OR13G1: variants seen among roughly 807,000 people sequenced by gnomAD.
OR13G1 encodes olfactory receptor family 13 subfamily G member 1, also known as olfactory receptor 13G1.
For synonymous variants in OR13G1, 128 were observed against 136.2 expected, an observed-to-expected ratio of 0.94 and a Z score of 0.42; for missense variants, 369 against 385.7, an observed-to-expected ratio of 0.96 and a Z score of 0.36.
chr1:247,677,994 T>G (rs1659383458), intron 1 of OR13G1, among the ~76,000 whole-genome samples: 1 of 152,050 alleles, frequency 6.6e-6, no homozygotes, highest in African/African-American at 2.4e-5. Flanking sequence ...ATCCAGCTAC[T>G]CAAGAGGCTG....
At chr1:247,678,196 A>G (rs1659390533) in intron 1 of OR13G1, among the ~76,000 whole-genome samples, 1 of 152,232 alleles carries the variant, frequency 6.6e-6, no homozygotes, top group African/African-American at 2.4e-5. Flanking sequence ...TCACACAGTC[A>G]GACACTGGCG....
chr1:247,672,031 T>G lies in OR13G1; in HGVS notation c.*87A>C. The G allele has an allele frequency of 9.3e-7, 1 of 1,072,032 alleles. No homozygotes were observed. Among genetic ancestry groups the G allele is most frequent in the Non-Finnish European group, 1.3e-6 (1 of 744,786 alleles). The allele number at this position is 1,072,032 out of a possible 1,614,324, so 66.4% of individuals were successfully genotyped here. ...AATAAGAGGGAAGGGAAAATTGGAG[T>G]GGAGGTAAGTATGAAAAACCAGTAA... On this transcript the variant is annotated 3_prime_UTR_variant, in exon 2 of 2. Transcript: ENST00000642119.
intron 1 of OR13G1, 115 bp downstream of exon 1, chr1:247,679,525 T>TGTGTGTGC (rs764457162): frequency 9.0e-5 from 12 of 133,510 alleles, no homozygotes; most frequent in African/African-American, 2.2e-4. Context: ...TGTGTGTGTG[T>TGTGTGTGC]GCGCGCTATG....
rs1314119892 is a variant in OR13G1, at chr1:247,671,929, C to T, written c.*189G>A. On this transcript the variant is annotated 3_prime_UTR_variant, in exon 2 of 2. Coordinates refer to ENST00000642119, the MANE Select transcript of OR13G1 (RefSeq NM_001005487.2). ...CATATATTTATGTGAGGGTATTGTG[C>T]ATATTGCTTTATGAATATTCTTCAC... 3.5e-6 allele frequency: 2 copies of T among 572,846 alleles called. No individual in the cohort carries two copies. The highest frequency in any genetic ancestry group is 6.5e-5 in the Admixed American group (2 of 30,582). 35.5% of individuals were successfully genotyped at this position (572,846 alleles called of 1,614,324 possible).
chr1:247,673,816 C>T (rs1151639), intron 1 of OR13G1, among the ~76,000 whole-genome samples: 110,008 of 151,954 alleles, frequency 0.72, 41,031 homozygotes, highest in East Asian at 0.98. Context: ...TAGCTATAGA[C>T]TGGCCATTTA....
chr1:247,672,692 T>C lies in OR13G1; in HGVS notation c.350A>G (p.Tyr117Cys), dbSNP rs749573654. Reference protein sequence around the residue: ...AEMVLFTTMAYDRYVAICFPL... With the variant: ...AEMVLFTTMACDRYVAICFPL... ...GAAACAAATGGCCACATAGCGGTCA[T>C]AGGCCATGGTGGTGAAGAGAACCAT... is the stretch of plus-strand genomic sequence containing the variant. Residue 117 changes from tyrosine (Y) to cysteine (C), a missense_variant, in exon 2 of 2, where the codon TAT becomes TGT. Tyr to Cys is a radical substitution (Grantham distance 194). Coordinates refer to ENST00000642119, the MANE Select transcript of OR13G1 (RefSeq NM_001005487.2). 4 of 1,613,888 alleles carry C rather than the reference T, an allele frequency of 2.5e-6. No homozygotes were observed. Among genetic ancestry groups the C allele is most frequent in the Non-Finnish European group, 3.4e-6 (4 of 1,179,948 alleles).
Position 247,671,891 on chromosome 1 carries a change from A to C in OR13G1, c.*227T>G. The stretch of plus-strand genomic sequence containing the variant: ...GTACATATTTTTGGAAAATGTTGGA[A>C]TATATATTATGACATATATTTATGT... On this transcript the variant is annotated 3_prime_UTR_variant, in exon 2 of 2. Coordinates refer to ENST00000642119, the MANE Select transcript of OR13G1 (RefSeq NM_001005487.2). 2.0e-6 allele frequency: 1 copy of C among 498,734 alleles called. No homozygotes were observed. The highest frequency in any genetic ancestry group is 3.5e-6 in the Non-Finnish European group (1 of 284,982). The allele number at this position is 498,734 out of a possible 1,614,324, so 30.9% of individuals were successfully genotyped here.
intron 1 of OR13G1, among the ~76,000 whole-genome samples, chr1:247,679,232 G>C (rs1474778225): frequency 6.6e-6 from 1 of 152,056 alleles, no homozygotes; most frequent in Non-Finnish European, 1.5e-5. Flanking sequence ...ATTTAGCTAA[G>C]TCTTTATGAT....
intron 1 of OR13G1, among the ~76,000 whole-genome samples, chr1:247,673,570 A>G (rs1416063354): frequency 6.6e-6 from 1 of 152,174 alleles, no homozygotes; most frequent in Non-Finnish European, 1.5e-5. Flanking sequence ...AGGATATTTC[A>G]GATGAAAAAT....
Position 247,670,975 on chromosome 1 carries a change from C to T in OR13G1, c.*1143G>A, listed in dbSNP as rs1380727118. ...ATTGTATATTTTTATTATGTAGCCT[C>T]AGTTTTGGCATTCTCACTCTCTCAA... On this transcript the variant is annotated 3_prime_UTR_variant, in exon 2 of 2. Coordinates refer to ENST00000642119, the MANE Select transcript of OR13G1 (RefSeq NM_001005487.2). 1 of 152,046 alleles carries T rather than the reference C, an allele frequency of 6.6e-6. No homozygotes were observed. The highest frequency in any genetic ancestry group is 1.5e-5 in the Non-Finnish European group (1 of 67,988). The allele number at this position is 152,046 out of a possible 1,614,324, so 9.4% of individuals were successfully genotyped here.
Position 247,671,884 on chromosome 1 carries a change from T to C in OR13G1, c.*234A>G, listed in dbSNP as rs1424027364. 1 of 482,586 alleles carries C rather than the reference T, an allele frequency of 2.1e-6. No homozygotes were observed. Among genetic ancestry groups the C allele is most frequent in the Non-Finnish European group, 3.6e-6 (1 of 275,330 alleles). The allele number at this position is 482,586 out of a possible 1,614,324, so 29.9% of individuals were successfully genotyped here. A position where few individuals can be genotyped will look rare whatever the true frequency, so the allele number is the denominator to read the frequency against. ...AAGTTATGTACATATTTTTGGAAAA[T>C]GTTGGAATATATATTATGACATATA... On this transcript the variant is annotated 3_prime_UTR_variant, in exon 2 of 2. Transcript: ENST00000642119.
At chr1:247,674,581 T>C (rs1151658) in intron 1 of OR13G1, among the ~76,000 whole-genome samples, 127,744 of 152,078 alleles carry the variant, frequency 0.84, 53,806 homozygotes, top group East Asian at 0.98. Context: ...ATTAATTTAC[T>C]CATACTGAAG....
chr1:247,675,898 C>G (rs1244568864), intron 1 of OR13G1, among the ~76,000 whole-genome samples: 2 of 152,152 alleles, frequency 1.3e-5, no homozygotes, highest in Non-Finnish European at 2.9e-5. Flanking sequence ...AAGTCTATTT[C>G]TATTTGCTGC....
intron 1 of OR13G1, among the ~76,000 whole-genome samples, chr1:247,678,529 C>G (rs1558294409): frequency 6.6e-6 from 1 of 152,142 alleles, no homozygotes; most frequent in African/African-American, 2.4e-5. Flanking sequence ...CAGTTTCATT[C>G]TAGGCCACTT....
Position 247,672,087 on chromosome 1 carries a change from A to G in OR13G1, c.*31T>C, listed in dbSNP as rs200727038. Reference sequence around the variant, plus strand: ...GAGATGCTCTAGAAGATGGTTCTGGAGTACAGAAGTGATGTTGCATGTTGA... The same window carrying G: ...GAGATGCTCTAGAAGATGGTTCTGGGGTACAGAAGTGATGTTGCATGTTGA... On this transcript the variant is annotated 3_prime_UTR_variant, in exon 2 of 2. Transcript: ENST00000642119. The G allele has an allele frequency of 5.8e-6, 9 of 1,544,794 alleles. No homozygotes were observed. Among genetic ancestry groups the G allele is most frequent in the Non-Finnish European group, 7.1e-6 (8 of 1,130,926 alleles).
At position 247,674,679 on chromosome 1, in the gene OR13G1, A is replaced by G. The variant is rs28723550; in HGVS notation, c.-238-1400T>C. 6.0e-4 allele frequency among the ~76,000 whole-genome samples: 91 copies of G among 152,280 alleles called. 1 individual carries two copies. Among genetic ancestry groups the G allele is most frequent in the African/African-American group, 2.2e-3 (90 of 41,572 alleles). On this transcript the variant is annotated intron_variant, in intron 1 of 1. Transcript: ENST00000642119. ...GCAGAGATGATACAATTTTGTCCTC[A>G]CAAGCACATTGAGTCTTTAATATTT...
rs1659212073 is a variant in OR13G1 at position 247,671,932 on chromosome 1, A to T, written c.*186T>A. 1.7e-6 allele frequency: 1 copy of T among 579,040 alleles called. No homozygotes were observed. The highest frequency in any genetic ancestry group is 3.0e-6 in the Non-Finnish European group (1 of 328,492). The allele number at this position is 579,040 out of a possible 1,614,324, so 35.9% of individuals were successfully genotyped here. The stretch of plus-strand genomic sequence containing the variant: ...ATATTTATGTGAGGGTATTGTGCAT[A>T]TTGCTTTATGAATATTCTTCACATA... On this transcript the variant is annotated 3_prime_UTR_variant, in exon 2 of 2. Coordinates refer to ENST00000642119, the MANE Select transcript of OR13G1 (RefSeq NM_001005487.2).
At position 247,672,013 on chromosome 1, in the gene OR13G1, G is replaced by C; in HGVS notation, c.*105C>G. The stretch of plus-strand genomic sequence containing the variant: ...TGCTAGGAAGAAGGCAGGAATAAGA[G>C]GGAAGGGAAAATTGGAGTGGAGGTA... On this transcript the variant is annotated 3_prime_UTR_variant, in exon 2 of 2. Transcript: ENST00000642119. 1 of 900,814 alleles carries C rather than the reference G, an allele frequency of 1.1e-6. No individual in the cohort carries two copies. The highest frequency in any genetic ancestry group is 1.7e-6 in the Non-Finnish European group (1 of 595,698). 55.8% of individuals were successfully genotyped at this position (900,814 alleles called of 1,614,324 possible).
In OR13G1 at chr1:247,671,814, G is replaced by T; in HGVS notation, c.*304C>A. On this transcript the variant is annotated 3_prime_UTR_variant, in exon 2 of 2. Coordinates refer to ENST00000642119, the MANE Select transcript of OR13G1 (RefSeq NM_001005487.2). ...ATATTTGCATGTATGATGTGCACATGCACATATAGGTAAATATTTGTGTAT... is the reference window on the plus strand; with the variant it reads ...ATATTTGCATGTATGATGTGCACATTCACATATAGGTAAATATTTGTGTAT... 3.2e-6 allele frequency: 1 copy of T among 309,830 alleles called. No individual in the cohort carries two copies. The highest frequency in any genetic ancestry group is 5.9e-6 in the Non-Finnish European group (1 of 168,318). 19.2% of individuals were successfully genotyped at this position (309,830 alleles called of 1,614,324 possible). A position where few individuals can be genotyped will look rare whatever the true frequency, so the allele number is the denominator to read the frequency against.
Sources: allele counts gnomAD v4.1 joint callset (sites outside exome capture counted in the v4.1 genomes callset), GRCh38; gene constraint gnomAD v4.1.1; transcripts MANE v1.5; gene names NCBI Gene and HGNC (gene_info 2026-07-23, HGNC 2026-07-21).